FAXC: variants seen among roughly 807,000 people sequenced by gnomAD.
FAXC encodes failed axon connections homolog, metaxin like GST domain containing.
FAXC carries 10 observed loss-of-function variants against 41.9 expected under a neutral mutation model. That is an observed-to-expected ratio of 0.24 (90% CI 0.15 to 0.41). The LOEUF is 0.41. Among genes scored for constraint, FAXC ranks in the 10% least tolerant of loss-of-function variants. The pLI, the probability that FAXC is intolerant of heterozygous loss-of-function variation, is 1.00. For missense variants in FAXC, 399 were observed against 510.9 expected (o/e 0.78, Z 2.11); for synonymous variants, 183 against 183.8 (o/e 1.00, Z 0.03).
rs941624143 is a variant in FAXC, at chr6:99,276,505, A to G, written c.*4659T>C. On this transcript the variant is annotated 3_prime_UTR_variant, in exon 6 of 6. Transcript: ENST00000389677. ...AATCCTATGACTTTCAAAATTCCAA[A>G]CCTCTAAAACAAAATTTTCTCAAAT... 1.3e-5 allele frequency: 2 copies of G among 152,196 alleles called. No individual in the cohort carries two copies. The highest frequency in any genetic ancestry group is 2.9e-5 in the Non-Finnish European group (2 of 68,036). The allele number at this position is 152,196 out of a possible 1,614,324, so 9.4% of individuals were successfully genotyped here. A position where few individuals can be genotyped will look rare whatever the true frequency, so the allele number is the denominator to read the frequency against.
At chr6:99,297,802 G>A (rs573714475) in intron 4 of FAXC, among the ~76,000 whole-genome samples, 28 of 152,234 alleles carry the variant, frequency 1.8e-4, no homozygotes, top group Non-Finnish European at 1.5e-4. Flanking sequence ...CTTTCCATTA[G>A]GACTCAGACC....
intron 5 of FAXC, among the ~76,000 whole-genome samples, chr6:99,282,302 T>C (rs1770870370): frequency 6.6e-6 from 1 of 152,212 alleles, no homozygotes; most frequent in Non-Finnish European, 1.5e-5. Flanking sequence ...TTTCGCAGTG[T>C]TGCTGTGGGC....
At chr6:99,297,477 T>C (rs1259584078) in intron 4 of FAXC, among the ~76,000 whole-genome samples, 9 of 152,110 alleles carry the variant, frequency 5.9e-5, no homozygotes, top group Non-Finnish European at 1.3e-4. Context: ...CGAGCTGAAC[T>C]TGATGAGCAA....
chr6:99,316,112 T>C (rs1011309217), intron 4 of FAXC, among the ~76,000 whole-genome samples: 1 of 151,848 alleles, frequency 6.6e-6, no homozygotes, highest in African/African-American at 2.4e-5. Context: ...AAGGGGTCAG[T>C]AGAGAGATCA....
intron 4 of FAXC, among the ~76,000 whole-genome samples, chr6:99,321,743 G>A (rs143419608): frequency 6.6e-6 from 1 of 152,348 alleles, no homozygotes; most frequent in East Asian, 1.9e-4. Context: ...CTAAACGCGA[G>A]AGAAACAATT....
At position 99,323,532 on chromosome 6, in the gene FAXC, C is replaced by G. The variant is rs758953209; in HGVS notation, c.735G>C (p.Glu245Asp). The change falls in exon 4 of 6, where the codon GAG becomes GAC. Residue 245 changes from glutamate (E) to aspartate (D), a missense_variant. This residue lies in a region of FAXC where 239 missense variants were observed against 352.7 expected (regional missense o/e 0.68). Transcript: ENST00000389677. ...AGCGGCCAATGCCGTGGCCGTGCATCTCGCGTTTCACAATTCCTTTCGTTA... is the reference window on the plus strand; with the variant it reads ...AGCGGCCAATGCCGTGGCCGTGCATGTCGCGTTTCACAATTCCTTTCGTTA... ...CHITKGIVKREMHGHGIGRFS... is the reference protein window; with the variant it reads ...CHITKGIVKRDMHGHGIGRFS... 1 of 1,614,238 alleles carries G rather than the reference C, an allele frequency of 6.2e-7. No individual in the cohort carries two copies. The highest frequency in any genetic ancestry group is 8.5e-7 in the Non-Finnish European group (1 of 1,180,048).
At chr6:99,288,009 A>T (rs568460813) in intron 5 of FAXC, among the ~76,000 whole-genome samples, 28 of 152,314 alleles carry the variant, frequency 1.8e-4, no homozygotes, top group Non-Finnish European at 3.7e-4. Context: ...CCCCGTGCAG[A>T]TGATGGTGTC....
chr6:99,302,228 C>T (rs1771739507), intron 4 of FAXC, among the ~76,000 whole-genome samples: 1 of 152,216 alleles, frequency 6.6e-6, no homozygotes, highest in South Asian at 2.1e-4. Context: ...CAGTTCACCT[C>T]AGAGCTGGCT....
intron 3 of FAXC, among the ~76,000 whole-genome samples, chr6:99,327,719 A>G (rs1209809428): frequency 6.6e-6 from 1 of 152,092 alleles, no homozygotes; most frequent in African/African-American, 2.4e-5. Context: ...AGGAACTGCA[A>G]ACCAACATTT....
At chr6:99,317,101 TA>T (rs141209423) in intron 4 of FAXC, among the ~76,000 whole-genome samples, 7,658 of 152,224 alleles carry the variant, frequency 0.05, 608 homozygotes, top group African/African-American at 0.17. Flanking sequence ...TCTGACTCAA[TA>T]AAATGCTGTA....
rs10527054 is a variant in FAXC at position 99,272,146 on chromosome 6, A to ATGTGTGTGTGTG, written c.*9006_*9017dup. On this transcript the variant is annotated 3_prime_UTR_variant, in exon 6 of 6. Coordinates refer to ENST00000389677, the MANE Select transcript of FAXC (RefSeq NM_032511.4). ...AGGTATGAAAACTAATTGAGACTAT[A>ATGTGTGTGTGTG]TGTGTGTGTGTGTGTGTGTGTGTGT... 2,551 of 143,808 alleles carry ATGTGTGTGTGTG rather than the reference A, an allele frequency of 0.018. 32 individuals are homozygous for ATGTGTGTGTGTG. Among genetic ancestry groups the ATGTGTGTGTGTG allele is most frequent in the South Asian group, 0.031 (131 of 4,240 alleles). The allele number at this position is 143,808 out of a possible 1,614,324, so 8.9% of individuals were successfully genotyped here. A position where few individuals can be genotyped will look rare whatever the true frequency, so the allele number is the denominator to read the frequency against.
At chr6:99,333,810 C>A (rs9321483) in intron 2 of FAXC, among the ~76,000 whole-genome samples, 56,805 of 151,908 alleles carry the variant, frequency 0.37, 11,028 homozygotes, top group South Asian at 0.55. Flanking sequence ...AAAAAAAGAC[C>A]CCAGGGGCAA....
rs748892674 is a variant in FAXC at position 99,307,692 on chromosome 6, G to A, written c.823+15752C>T. On this transcript the variant is annotated intron_variant, in intron 4 of 5. Transcript: ENST00000389677. ...AGTCTGGAGCTGGCCTATAGGAGAG[G>A]GCGGTTTAATGGAAAGAGTGAGGTA... 7.9e-4 allele frequency among the ~76,000 whole-genome samples: 120 copies of A among 152,222 alleles called. 1 individual carries two copies. The highest frequency in any genetic ancestry group is 2.6e-3 in the Admixed American group (39 of 15,268).
At chr6:99,291,891 C>T (rs1771259866) in intron 4 of FAXC, 71 bp from the exon 5 acceptor site, 3 of 1,106,840 alleles carry the variant, frequency 2.7e-6, no homozygotes, top group Non-Finnish European at 4.2e-6. Flanking sequence ...TGGCATTTAG[C>T]ACATTCTATT....
In FAXC at chr6:99,323,556, T is replaced by C. The variant is rs183298640; in HGVS notation, c.711A>G (p.Ile237Met). ...TCTCGCGTTTCACAATTCCTTTCGT[T>C]ATGTGGCACACAACCCACCTCAGCA... ...SNLLRWVVCH[I>M]TKGIVKREMH... The change falls in exon 4 of 6, where the codon ATA becomes ATG. Residue 237 changes from isoleucine to methionine, a missense_variant. By Grantham distance (10) the Ile-to-Met change is conservative. This residue lies in a region of FAXC where 239 missense variants were observed against 352.7 expected (regional missense o/e 0.68). Coordinates refer to ENST00000389677, the MANE Select transcript of FAXC (RefSeq NM_032511.4). 6 of 1,614,200 alleles carry C rather than the reference T, an allele frequency of 3.7e-6. No homozygotes were observed. Among genetic ancestry groups the C allele is most frequent in the South Asian group, 1.1e-5 (1 of 91,082 alleles).
intron 4 of FAXC, among the ~76,000 whole-genome samples, chr6:99,295,805 A>T (rs1263899828): frequency 1.3e-5 from 2 of 152,230 alleles, no homozygotes; most frequent in Non-Finnish European, 2.9e-5. Flanking sequence ...TTCACTATAA[A>T]GTTAAGATTT....
chr6:99,299,747 A>T (rs1771632320), intron 4 of FAXC, among the ~76,000 whole-genome samples: 1 of 152,184 alleles, frequency 6.6e-6, no homozygotes, highest in Non-Finnish European at 1.5e-5. Flanking sequence ...CAGGAAAAAT[A>T]AAATCTACTC....
chr6:99,343,260 T>TTACCA (rs1773486075), intron 1 of FAXC, among the ~76,000 whole-genome samples: 1 of 151,982 alleles, frequency 6.6e-6, no homozygotes, highest in African/African-American at 2.4e-5. Context: ...ACTCCCATGA[T>TTACCA]ATTACCATGA....
chr6:99,312,108 T>C (rs1157330065), intron 4 of FAXC, among the ~76,000 whole-genome samples: 1 of 152,186 alleles, frequency 6.6e-6, no homozygotes, highest in Non-Finnish European at 1.5e-5. Context: ...TCTTGTTCAA[T>C]AAATATCTGC....
Sources: gnomAD v4.1 joint callset for allele counts (sites outside exome capture counted in the v4.1 genomes callset) on GRCh38, gnomAD v4.1.1 for gene constraint, gnomAD v4.1.1 regional missense constraint, MANE v1.5 for transcripts, NCBI Gene and HGNC (gene_info 2026-07-23, HGNC 2026-07-21) for gene names.